DOCK3: variants seen among roughly 807,000 people sequenced by gnomAD.
The protein encoded by DOCK3 is dedicator of cytokinesis 3, also known as dedicator of cytokinesis protein 3.
A neutral mutation model predicts 265.6 loss-of-function variants in DOCK3; 60 were observed. That is an observed-to-expected ratio of 0.23 (90% confidence interval 0.18 to 0.28). DOCK3 has a LOEUF of 0.28. DOCK3 is among the 10% of genes least tolerant of loss of function. The probability of loss-of-function intolerance (pLI) is 1.00; values close to 1 mark genes in which losing one functional copy is unlikely to be tolerated. For synonymous variants in DOCK3, 881 were observed against 938.0 expected, an observed-to-expected ratio of 0.94 and a Z score of 1.11; for missense variants, 1,981 against 2,594.3, an observed-to-expected ratio of 0.76 and a Z score of 5.14.
intron 14 of DOCK3, among the ~76,000 whole-genome samples, chr3:51,221,792 T>C (rs1317190298): frequency 6.6e-6 from 1 of 152,196 alleles, no homozygotes; most frequent in African/African-American, 2.4e-5. Context: ...GAGTCAGGGC[T>C]GCCCAAGGTC....
chr3:50,755,227 A>G (rs925415583), intron 1 of DOCK3, among the ~76,000 whole-genome samples: 12 of 152,230 alleles, frequency 7.9e-5, no homozygotes, highest in African/African-American at 2.7e-4. Flanking sequence ...TGAGCGAATG[A>G]AGTTCATTAT....
chr3:51,022,075 T>G (rs1407881201), intron 5 of DOCK3, among the ~76,000 whole-genome samples: 2 of 152,240 alleles, frequency 1.3e-5, no homozygotes, highest in Non-Finnish European at 2.9e-5. Context: ...TGCTTATCTT[T>G]TATTAGCTTT....
At chr3:51,323,142 A>G (rs1018879109) in intron 32 of DOCK3, among the ~76,000 whole-genome samples, 2 of 152,186 alleles carry the variant, frequency 1.3e-5, no homozygotes, top group African/African-American at 4.8e-5. Context: ...GATCAATGCA[A>G]CAAGAAGCAC....
At chr3:51,104,673 G>C (rs4353834) in intron 9 of DOCK3, among the ~76,000 whole-genome samples, 127,008 of 152,252 alleles carry the variant, frequency 0.83, 53,447 homozygotes, top group East Asian at 0.95. Flanking sequence ...GTAATTCCCA[G>C]ATTTACTTTA....
intron 4 of DOCK3, among the ~76,000 whole-genome samples, chr3:50,912,681 C>T (rs1190726529): frequency 6.6e-6 from 1 of 152,112 alleles, no homozygotes; most frequent in African/African-American, 2.4e-5. Flanking sequence ...CCTTTTCCCT[C>T]CCTTTTCCAA....
At position 51,315,104 on chromosome 3, in the gene DOCK3, G is replaced by T; in HGVS notation, c.3378G>T (p.Gln1126His). 1.2e-6 allele frequency: 2 copies of T among 1,609,116 alleles called. No individual in the cohort carries two copies. Among genetic ancestry groups the T allele is most frequent in the East Asian group, 4.5e-5 (2 of 44,638 alleles). ...PIFHDMMDWE[Q>H]RKNGNFKQVE... The stretch of plus-strand genomic sequence containing the variant: ...TTCATGACATGATGGACTGGGAGCA[G>T]AGAAAAAATGGCAACTTCAAACAGG... The change falls in exon 32 of 53, where the codon CAG becomes CAT. Residue 1126 changes from glutamine (Q) to histidine (H), a missense_variant. This residue lies in a region of DOCK3 where 1,357 missense variants were observed against 1,866.8 expected (regional missense o/e 0.73). Transcript: ENST00000266037.
intron 3 of DOCK3, among the ~76,000 whole-genome samples, chr3:50,874,039 G>A (rs939817294): frequency 1.5e-4 from 23 of 148,726 alleles, no homozygotes; most frequent in African/African-American, 5.2e-4. Flanking sequence ...TTTTCATGAA[G>A]GTGTTTTTTT....
intron 5 of DOCK3, among the ~76,000 whole-genome samples, chr3:51,045,804 T>G (rs1236942779): frequency 6.6e-6 from 1 of 152,206 alleles, no homozygotes. Flanking sequence ...AATTTTGAGA[T>G]ATTTCATTTA....
chr3:51,321,847 G>A (rs913293847), intron 32 of DOCK3, among the ~76,000 whole-genome samples: 7 of 152,134 alleles, frequency 4.6e-5, no homozygotes, highest in Admixed American at 6.6e-5. Context: ...CCAAATATAC[G>A]TTTGATTGGC....
At chr3:50,778,880 A>G (rs2041758633) in intron 2 of DOCK3, 122 bp downstream of exon 2, 2 of 610,182 alleles carry the variant, frequency 3.3e-6, no homozygotes, top group Admixed American at 6.4e-5. Flanking sequence ...ACATGATGAA[A>G]TAGTGTTATA....
At chr3:50,832,114 G>T (rs1255941708) in intron 2 of DOCK3, among the ~76,000 whole-genome samples, 3 of 152,148 alleles carry the variant, frequency 2.0e-5, no homozygotes, top group African/African-American at 7.2e-5. Context: ...AATGGGGAAA[G>T]GATTCCCTAT....
chr3:50,896,193 T>C (rs1332382063), intron 4 of DOCK3, among the ~76,000 whole-genome samples: 1 of 151,928 alleles, frequency 6.6e-6, no homozygotes, highest in African/African-American at 2.4e-5. Flanking sequence ...ATTGCCATTC[T>C]AACTGGCGTG....
chr3:50,970,917 A>T (rs1486457923), intron 5 of DOCK3, among the ~76,000 whole-genome samples: 1 of 65,884 alleles, frequency 1.5e-5, no homozygotes, highest in Non-Finnish European at 2.9e-5. Context: ...ATATATATAT[A>T]TATATATATA....
At position 51,010,980 on chromosome 3, in the gene DOCK3, G is replaced by A. The variant is rs993347765; in HGVS notation, c.316-53468G>A. Among the ~76,000 whole-genome samples the A allele has an allele frequency of 5.9e-5, 9 of 152,098 alleles. No homozygotes were observed. The East Asian group carries it at 7.7e-4, about 13-fold the overall frequency. ...TCTTCTCGCTTGTGGGGTTTCTGCC[G>A]AGAGATCCACTGTTAGTCTGACGGG... On this transcript the variant is annotated intron_variant, in intron 5 of 52. Transcript: ENST00000266037.
chr3:51,193,362 T>C (rs2088068316), intron 12 of DOCK3, among the ~76,000 whole-genome samples: 1 of 152,152 alleles, frequency 6.6e-6, no homozygotes, highest in South Asian at 2.1e-4. Flanking sequence ...ACCAGGGATA[T>C]TGACATATAG....
At chr3:51,347,099 C>G (rs2085635350) in intron 38 of DOCK3, among the ~76,000 whole-genome samples, 1 of 152,190 alleles carries the variant, frequency 6.6e-6, no homozygotes. Context: ...TGCCTGTTCA[C>G]TCTGATGGTA....
intron 22 of DOCK3, among the ~76,000 whole-genome samples, chr3:51,256,592 T>TG (rs1560297989): frequency 6.9e-6 from 1 of 144,350 alleles, no homozygotes; most frequent in Non-Finnish European, 1.5e-5. Context: ...TTTTCGTTTT[T>TG]GTTTTTTTTT....
At chr3:50,960,505 AAT>A (rs775876306) in intron 5 of DOCK3, among the ~76,000 whole-genome samples, 2 of 152,012 alleles carry the variant, frequency 1.3e-5, no homozygotes, top group African/African-American at 2.4e-5. Flanking sequence ...TTCTTGGTGA[AAT>A]GTCTACTTGA....
chr3:51,121,908 C>G (rs1459863954), intron 9 of DOCK3, among the ~76,000 whole-genome samples: 1 of 152,126 alleles, frequency 6.6e-6, no homozygotes, highest in Non-Finnish European at 1.5e-5. Flanking sequence ...TTCAGAGATT[C>G]ATAAGACAAT....
Sources: gnomAD v4.1 joint callset for allele counts (sites outside exome capture counted in the v4.1 genomes callset) on GRCh38, gnomAD v4.1.1 for gene constraint, gnomAD v4.1.1 regional missense constraint, MANE v1.5 for transcripts, NCBI Gene and HGNC (gene_info 2026-07-23, HGNC 2026-07-21) for gene names.